ITGA9: variants seen among roughly 807,000 people sequenced by gnomAD.
ITGA9 encodes integrin subunit alpha 9.
Under a neutral mutation model 127.8 loss-of-function variants are expected in ITGA9, and 56 were observed. The ratio of observed to expected loss-of-function variants is 0.44; its 90% CI spans 0.35 to 0.55. The LOEUF (loss-of-function observed/expected upper bound fraction) is 0.55. Among genes scored for constraint, ITGA9 ranks in the 20% least tolerant of loss-of-function variants. The pLI is 0.00. For synonymous variants in ITGA9, 508 were observed against 514.5 expected (o/e 0.99, Z 0.17); for missense variants, 1,196 against 1,347.1 (o/e 0.89, Z 1.76).
At chr3:37,684,545 G>A (rs928585743) in intron 18 of ITGA9, among the ~76,000 whole-genome samples, 10 of 152,100 alleles carry the variant, frequency 6.6e-5, no homozygotes, top group African/African-American at 2.2e-4. Context: ...CCACAATCTT[G>A]GCTCACTGCA....
chr3:37,739,626 G>A (rs1468196851), intron 20 of ITGA9, among the ~76,000 whole-genome samples: 1 of 152,226 alleles, frequency 6.6e-6, no homozygotes, highest in African/African-American at 2.4e-5. Context: ...CACCAGCCTG[G>A]CTTTTGCAGA....
intron 15 of ITGA9, among the ~76,000 whole-genome samples, chr3:37,587,114 C>T (rs1029528916): frequency 3.9e-5 from 6 of 152,098 alleles, no homozygotes; most frequent in African/African-American, 1.4e-4. Flanking sequence ...AGTAGCATAT[C>T]TATTTTCTCA....
chr3:37,613,950 C>G (rs1327677994), intron 15 of ITGA9, among the ~76,000 whole-genome samples: 1 of 152,218 alleles, frequency 6.6e-6, no homozygotes, highest in Admixed American at 6.5e-5. Context: ...TTTTGCTGTG[C>G]AGAAGCTCTT....
At chr3:37,697,493 A>G (rs1007338438) in intron 18 of ITGA9, among the ~76,000 whole-genome samples, 2 of 151,540 alleles carry the variant, frequency 1.3e-5, no homozygotes, top group African/African-American at 4.9e-5. Context: ...CTTGCCCCCA[A>G]CCCCACGACA....
intron 15 of ITGA9, among the ~76,000 whole-genome samples, chr3:37,595,923 G>T (rs1283574575): frequency 6.6e-6 from 1 of 152,172 alleles, no homozygotes; most frequent in South Asian, 2.1e-4. Context: ...AGGTCAAACC[G>T]CTGCTTCCTG....
chr3:37,694,632 G>A (rs1251922268), intron 18 of ITGA9, among the ~76,000 whole-genome samples: 6 of 152,154 alleles, frequency 3.9e-5, no homozygotes, highest in Non-Finnish European at 7.4e-5. Flanking sequence ...TAAGAAGGAC[G>A]TTTCCCAGAG....
intron 18 of ITGA9, among the ~76,000 whole-genome samples, chr3:37,685,442 G>T (rs572033298): frequency 6.6e-6 from 1 of 152,162 alleles, no homozygotes; most frequent in African/African-American, 2.4e-5. Context: ...AAAAATTACC[G>T]CTGGATTAAG....
chr3:37,522,285 G>A lies in ITGA9; in HGVS notation c.1237-1236G>A, dbSNP rs936650844. Among the ~76,000 whole-genome samples the A allele has an allele frequency of 3.3e-4, 50 of 152,172 alleles. 1 individual carries two copies. Among genetic ancestry groups the A allele is most frequent in the Non-Finnish European group, 2.6e-4 (18 of 68,038 alleles). ...GAGTAGGTCAGACCCCAGAAGATGG[G>A]ACTTTTCTGATTCAAGAAGTTCAGT... is the stretch of plus-strand genomic sequence containing the variant. On this transcript the variant is annotated intron_variant, in intron 11 of 27. Transcript: ENST00000264741.
At chr3:37,603,933 G>A (rs1232938999) in intron 15 of ITGA9, among the ~76,000 whole-genome samples, 1 of 152,220 alleles carries the variant, frequency 6.6e-6, no homozygotes, top group Non-Finnish European at 1.5e-5. Flanking sequence ...GATGAAAGAA[G>A]CAGCTACATT....
Position 37,806,328 on chromosome 3 carries a change from T to A in ITGA9, c.3009+2386T>A. ...GCGCGTGTGTGTGTGTGTATGTGAC[T>A]TCCTTCTGCCTTTATATGGGCTCTT... On this transcript the variant is annotated intron_variant, in intron 27 of 27. Coordinates refer to ENST00000264741, the MANE Select transcript of ITGA9 (RefSeq NM_002207.3). The surrounding 1 kb of genome is among the most constrained non-coding windows in gnomAD (Gnocchi z 4.3). 1 of 152,452 alleles carries A rather than the reference T, an allele frequency of 6.6e-6. No individual in the cohort carries two copies. The highest frequency in any genetic ancestry group is 1.5e-5 in the Non-Finnish European group (1 of 68,254). 9.4% of individuals were successfully genotyped at this position (152,452 alleles called of 1,614,324 possible). A position where few individuals can be genotyped will look rare whatever the true frequency, so the allele number is the denominator to read the frequency against.
intron 3 of ITGA9, among the ~76,000 whole-genome samples, chr3:37,479,280 C>T (rs1384807899): frequency 6.6e-6 from 1 of 152,138 alleles, no homozygotes; most frequent in Admixed American, 6.5e-5. Flanking sequence ...TATTTAGAAA[C>T]CTGCTATTTT....
At chr3:37,774,835 G>GT (rs1287944684) in intron 23 of ITGA9, among the ~76,000 whole-genome samples, 1 of 152,166 alleles carries the variant, frequency 6.6e-6, no homozygotes. Context: ...TTTTCTAATA[G>GT]TTTAACTTGA....
chr3:37,481,700 C>G (rs1384095931), intron 4 of ITGA9, 93 bp downstream of exon 4: 5 of 1,505,954 alleles, frequency 3.3e-6, no homozygotes, highest in Admixed American at 3.3e-5. Context: ...GAACATTTCC[C>G]CAGCTTTCCA....
chr3:37,503,179 A>T lies in ITGA9; in HGVS notation c.614A>T (p.Glu205Val). Residue 205 changes from glutamate to valine, a missense_variant and splice_region_variant, in exon 6 of 28, where the codon GAG becomes GTG. By Grantham distance (121) the Glu-to-Val change is moderately radical (BLOSUM62 -2). Coordinates refer to ENST00000264741, the MANE Select transcript of ITGA9 (RefSeq NM_002207.3). Reference sequence around the variant, plus strand: ...TACCGTTGGATTTCTTTTTGGTAGGAGCTGGTGGTGATGGGTGCTCCAGGG... The same window carrying T: ...TACCGTTGGATTTCTTTTTGGTAGGTGCTGGTGGTGATGGGTGCTCCAGGG... The part of the protein sequence containing the change: ...QAGIAGFFTE[E>V]LVVMGAPGSF... The T allele has an allele frequency of 1.2e-6, 2 of 1,613,530 alleles. No homozygotes were observed. The highest frequency in any genetic ancestry group is 1.7e-6 in the Non-Finnish European group (2 of 1,179,812).
At chr3:37,637,222 G>A (rs1420828338) in intron 16 of ITGA9, among the ~76,000 whole-genome samples, 1 of 152,104 alleles carries the variant, frequency 6.6e-6, no homozygotes, top group Non-Finnish European at 1.5e-5. Context: ...ATTACCTTGG[G>A]CAGTATGGCC....
At chr3:37,540,206 G>T (rs1356156377) in intron 14 of ITGA9, among the ~76,000 whole-genome samples, 1 of 152,170 alleles carries the variant, frequency 6.6e-6, no homozygotes, top group East Asian at 1.9e-4. Flanking sequence ...CTGAGGGAAG[G>T]CAGCCATTCA....
In ITGA9 at chr3:37,683,857, C is replaced by T. The variant is rs565663336; in HGVS notation, c.1917-8C>T. 3.0e-5 allele frequency: 49 copies of T among 1,613,742 alleles called. 1 individual carries two copies. The South Asian group carries it at 3.8e-4, about 13-fold the overall frequency. ...AGGGCATTCATTGCTGTCTATTTTT[C>T]GTTACAGTATGGATGAGAAAACCCT... is the stretch of plus-strand genomic sequence containing the variant. On this transcript the variant is annotated splice_polypyrimidine_tract_variant and splice_region_variant and intron_variant, in intron 17 of 27. Coordinates refer to ENST00000264741, the MANE Select transcript of ITGA9 (RefSeq NM_002207.3).
intron 15 of ITGA9, among the ~76,000 whole-genome samples, chr3:37,553,213 G>A (rs1699395878): frequency 6.6e-6 from 1 of 152,108 alleles, no homozygotes; most frequent in South Asian, 2.1e-4. Flanking sequence ...TAACATCAGG[G>A]ATATTTCCTG....
intron 14 of ITGA9, among the ~76,000 whole-genome samples, chr3:37,540,690 G>A (rs975168373): frequency 1.1e-4 from 16 of 152,178 alleles, no homozygotes; most frequent in Non-Finnish European, 1.9e-4. Context: ...TTTGAGCTTA[G>A]TGGTCTCCAG....
Sources: gnomAD v4.1 joint callset for allele counts (sites outside exome capture counted in the v4.1 genomes callset) on GRCh38, gnomAD v4.1.1 for gene constraint, Gnocchi (gnomAD v3.1) non-coding constraint, MANE v1.5 for transcripts, NCBI Gene and HGNC (gene_info 2026-07-23, HGNC 2026-07-21) for gene names.